The following FRY variants were observed in gnomAD, a reference collection of about 807,000 sequenced individuals.
FRY encodes protein furry homolog.
FRY carries 128 observed loss-of-function variants against 348.4 expected under a neutral mutation model. The observed-to-expected ratio is 0.37, with a 90% CI of 0.32 to 0.43. The LOEUF (loss-of-function observed/expected upper bound fraction) is 0.43. Ranked by LOEUF, FRY falls within the 20% of genes least tolerant of loss-of-function variation. The probability of loss-of-function intolerance (pLI) is 1.00; values close to 1 mark genes in which losing one functional copy is unlikely to be tolerated. For missense variants in FRY, 2,736 were observed against 3,695.2 expected (o/e 0.74, Z 6.73); for synonymous variants, 1,370 against 1,374.7 (o/e 1.00, Z 0.08).
intron 33 of FRY, among the ~76,000 whole-genome samples, chr13:32,210,041 A>G (rs952760165): frequency 1.3e-5 from 2 of 152,210 alleles, no homozygotes; most frequent in African/African-American, 4.8e-5. Flanking sequence ...TGGACCTACT[A>G]TGTAAGAGAC....
rs997441313 is a variant in FRY at position 32,131,222 on chromosome 13, G to A, written c.717-450G>A. Among the ~76,000 whole-genome samples, 5 of 152,162 alleles carry A rather than the reference G, an allele frequency of 3.3e-5. No individual in the cohort carries two copies. In the East Asian group the frequency reaches 9.6e-4, roughly 29 times the overall value. On this transcript the variant is annotated intron_variant, in intron 7 of 60. Transcript: ENST00000542859. ...AACTTTAGAATTACAAGAATACTTG[G>A]CATTATTTGGAATACAAATCCTTAT...
intron 1 of FRY, among the ~76,000 whole-genome samples, chr13:32,040,512 T>C (rs1872706756): frequency 1.3e-5 from 2 of 152,238 alleles, no homozygotes; most frequent in African/African-American, 4.8e-5. Context: ...AGTTGTACAT[T>C]ATTGAACTTG....
intron 2 of FRY, among the ~76,000 whole-genome samples, chr13:32,082,183 TTTTA>T (rs1432519950): frequency 6.6e-6 from 1 of 151,208 alleles, no homozygotes; most frequent in African/African-American, 2.4e-5. Flanking sequence ...AAGCTTAAGG[TTTTA>T]TTTATGACTT....
chr13:32,289,904 A>G (rs1003749148), intron 59 of FRY, among the ~76,000 whole-genome samples, 161 bp downstream of exon 59: 15 of 152,302 alleles, frequency 9.8e-5, no homozygotes, highest in African/African-American at 3.4e-4. Flanking sequence ...ATGTATTTCT[A>G]TTCTCATTTT....
At chr13:32,162,389 A>T (rs1404914810) in intron 17 of FRY, among the ~76,000 whole-genome samples, 1 of 152,024 alleles carries the variant, frequency 6.6e-6, no homozygotes, top group Non-Finnish European at 1.5e-5. Flanking sequence ...TCCACCCCAC[A>T]TGGCTGCACA....
At chr13:32,284,933 C>T (rs978999188) in intron 58 of FRY, among the ~76,000 whole-genome samples, 1 of 152,192 alleles carries the variant, frequency 6.6e-6, no homozygotes, top group South Asian at 2.1e-4. Context: ...TGTCGATCAG[C>T]AGGAGTTCAA....
At position 32,263,032 on chromosome 13, in the gene FRY, A is replaced by C. The variant is rs77088301; in HGVS notation, c.7779+557A>C. ...AGGAGAAAAGTAACTAATGGATGTA[A>C]TTTTCTTAATTAGAAAAAATCTAAC... is the stretch of plus-strand genomic sequence containing the variant. On this transcript the variant is annotated intron_variant, in intron 53 of 60. Transcript: ENST00000542859. Among the ~76,000 whole-genome samples, 274 of 152,292 alleles carry C rather than the reference A, an allele frequency of 1.8e-3. 1 individual carries two copies. The highest frequency in any genetic ancestry group is 0.01 in the Middle Eastern group (3 of 294).
chr13:32,217,173 C>T (rs1307373924), intron 35 of FRY, among the ~76,000 whole-genome samples: 3 of 152,120 alleles, frequency 2.0e-5, no homozygotes, highest in African/African-American at 4.8e-5. Flanking sequence ...TCAGAATACC[C>T]GGTGAGTAAT....
chr13:32,042,377 T>C (rs929151713), intron 1 of FRY, among the ~76,000 whole-genome samples: 5 of 152,252 alleles, frequency 3.3e-5, no homozygotes, highest in African/African-American at 4.8e-5. Context: ...ACATATTTTT[T>C]CCATTTAGTA....
chr13:32,193,252 AAGAT>A (rs1883460419), intron 28 of FRY, among the ~76,000 whole-genome samples: 1 of 151,670 alleles, frequency 6.6e-6, no homozygotes, highest in Admixed American at 6.6e-5. Context: ...TTCTTTTTGA[AAGAT>A]AGGCCACTAA....
Position 32,247,305 on chromosome 13 carries a change from A to T in FRY, c.6829-18A>T, listed in dbSNP as rs920086127. 4 of 1,598,110 alleles carry T rather than the reference A, an allele frequency of 2.5e-6. No homozygotes were observed. The highest frequency in any genetic ancestry group is 1.1e-5 in the South Asian group (1 of 90,762). ...AAATTAAATTATTTTTAACCCTTGAATGTTTTATTTCCTGCAGAGTGTTCA... is the reference window on the plus strand; with the variant it reads ...AAATTAAATTATTTTTAACCCTTGATTGTTTTATTTCCTGCAGAGTGTTCA... On this transcript the variant is annotated intron_variant, in intron 47 of 60. Transcript: ENST00000542859.
At chr13:32,104,181 T>C (rs1423192505) in intron 3 of FRY, among the ~76,000 whole-genome samples, 1 of 152,220 alleles carries the variant, frequency 6.6e-6, no homozygotes, top group East Asian at 1.9e-4. Context: ...CACAATTTCT[T>C]ATTTGTTACT....
intron 19 of FRY, 82 bp from the exon 20 acceptor site, chr13:32,175,464 C>A (rs1250018844): frequency 3.5e-6 from 3 of 855,318 alleles, no homozygotes; most frequent in Admixed American, 1.7e-5. Context: ...AGCTGTTCTG[C>A]TTCATGTATC....
chr13:32,252,696 A>T (rs1051807508), intron 50 of FRY, among the ~76,000 whole-genome samples: 2 of 148,358 alleles, frequency 1.3e-5, no homozygotes, highest in Non-Finnish European at 1.5e-5. Flanking sequence ...CGGTGGAGCT[A>T]TTTTTAAATT....
chr13:32,239,868 C>A lies in FRY; in HGVS notation c.6674C>A (p.Thr2225Asn), dbSNP rs778482131. The A allele has an allele frequency of 1.9e-6, 3 of 1,613,938 alleles. No individual in the cohort carries two copies. The highest frequency in any genetic ancestry group is 2.5e-6 in the Non-Finnish European group (3 of 1,179,916). The change falls in exon 46 of 61, where the codon ACC becomes AAC. Residue 2225 changes from threonine to asparagine, a missense_variant. Transcript: ENST00000542859. This position sits in a 1 kb window ranked among gnomAD's most constrained non-coding sequence, Gnocchi z 4.3. ...AYADITLNMV[T>N]YLAELLEKGL... The stretch of plus-strand genomic sequence containing the variant: ...GCTGACATTACCTTGAATATGGTTA[C>A]CTACCTGGCAGAGGTAAGCTTTTTT...
At chr13:32,261,221 A>G (rs1887627566) in intron 51 of FRY, among the ~76,000 whole-genome samples, 4 of 152,238 alleles carry the variant, frequency 2.6e-5, no homozygotes, top group Non-Finnish European at 4.4e-5. Flanking sequence ...TTCTGAAAAC[A>G]GTACTAAACA....
chr13:32,082,404 A>T (rs78982294), intron 2 of FRY, among the ~76,000 whole-genome samples: 1 of 152,118 alleles, frequency 6.6e-6, no homozygotes, highest in Non-Finnish European at 1.5e-5. Flanking sequence ...TGCTTCATGG[A>T]GACATTTAAT....
intron 40 of FRY, among the ~76,000 whole-genome samples, chr13:32,229,748 C>T (rs559154570): frequency 4.9e-4 from 75 of 152,268 alleles, no homozygotes; most frequent in African/African-American, 1.5e-3. Context: ...TTTGATTGTA[C>T]GGTATTTGCA....
chr13:32,223,751 CAG>C (rs1885436200), intron 36 of FRY, among the ~76,000 whole-genome samples: 2 of 152,294 alleles, frequency 1.3e-5, no homozygotes, highest in South Asian at 2.1e-4. Context: ...GTTTTTCAAA[CAG>C]AGTCTCACTC....
Sources: allele counts gnomAD v4.1 joint callset (sites outside exome capture counted in the v4.1 genomes callset), GRCh38; gene constraint gnomAD v4.1.1; non-coding constraint Gnocchi (gnomAD v3.1); transcripts MANE v1.5; gene names NCBI Gene and HGNC (gene_info 2026-07-23, HGNC 2026-07-21).